MATK: variants seen among roughly 807,000 people sequenced by gnomAD.
MATK encodes megakaryocyte-associated tyrosine kinase, also known as megakaryocyte-associated tyrosine-protein kinase.
A neutral mutation model predicts 59.8 loss-of-function variants in MATK; 41 were observed. The ratio of observed to expected loss-of-function variants is 0.69; its 90% CI spans 0.53 to 0.89. MATK has a LOEUF of 0.89. Among genes scored for constraint, MATK ranks in the 40% least tolerant of loss-of-function variants. The probability of loss-of-function intolerance (pLI) is 0.00; values close to 1 mark genes in which losing one functional copy is unlikely to be tolerated. For synonymous variants in MATK, 308 were observed against 306.1 expected (o/e 1.01, Z -0.06); for missense variants, 593 against 719.6 (o/e 0.82, Z 2.01).
chr19:3,784,472 G>C, intron 3 of MATK, 21 bp from the exon 4 acceptor site: 3 of 1,542,932 alleles, frequency 1.9e-6, no homozygotes, highest in East Asian at 4.6e-5. Context: ...GGCCGGGAGA[G>C]GGGCAAAGGG....
intron 8 of MATK, 100 bp downstream of exon 8, chr19:3,781,507 A>T: frequency 8.2e-7 from 1 of 1,220,406 alleles, no homozygotes; most frequent in Non-Finnish European, 1.2e-6. Context: ...CACAACTAGT[A>T]GGTGGTTAAG....
chr19:3,790,308 C>T (rs1002237439), upstream of MATK, among the ~76,000 whole-genome samples: 1 of 152,166 alleles, frequency 6.6e-6, no homozygotes. Flanking sequence ...TCCTGAACTC[C>T]CCACCCTCCA....
At chr19:3,786,507 C>T, upstream of MATK, 3 of 630,984 alleles carry the variant, frequency 4.8e-6, no homozygotes, top group Non-Finnish European at 5.9e-6. The surrounding 1 kb of genome is among the most constrained non-coding windows in gnomAD (Gnocchi z 4.1). Context: ...CTGGCCCTGA[C>T]CTGGCCCTGT....
chr19:3,791,192 T>A (rs2037537882), upstream of MATK, among the ~76,000 whole-genome samples: 1 of 152,082 alleles, frequency 6.6e-6, no homozygotes, highest in Non-Finnish European at 1.5e-5. Flanking sequence ...CTGAGTCAAA[T>A]TAGATTCCCT....
intron 1 of MATK, among the ~76,000 whole-genome samples, chr19:3,798,807 C>T (rs150279709): frequency 0.013 from 1,997 of 150,092 alleles, 42 homozygotes; most frequent in African/African-American, 0.046. Context: ...CCACCGTGCC[C>T]GGCCTGTTTT....
intron 8 of MATK, among the ~76,000 whole-genome samples, chr19:3,780,593 A>ATTT (rs753906037): frequency 8.2e-6 from 1 of 122,248 alleles, no homozygotes; most frequent in Non-Finnish European, 1.7e-5. Flanking sequence ...CGCCCGGCTA[A>ATTT]TTTTTTTTTT....
Position 3,781,468 on chromosome 19 carries a change from G to A in MATK, c.742+139C>T. 7.0e-6 allele frequency: 6 copies of A among 858,980 alleles called. No homozygotes were observed. In the South Asian group the frequency reaches 8.9e-5, roughly 13 times the overall value. 53.2% of individuals were successfully genotyped at this position (858,980 alleles called of 1,614,324 possible). A position where few individuals can be genotyped will look rare whatever the true frequency, so the allele number is the denominator to read the frequency against. On this transcript the variant is annotated intron_variant, in intron 8 of 13. Transcript: ENST00000310132. ...CCCCTGTTCCAGAGGGGGAAACTGAGGCTCAGAGGATTTGCACGTCTTCAG... is the reference window on the plus strand; with the variant it reads ...CCCCTGTTCCAGAGGGGGAAACTGAAGCTCAGAGGATTTGCACGTCTTCAG...
chr19:3,785,232 G>A lies in MATK; in HGVS notation c.-97C>T, dbSNP rs576202140. 16 of 1,587,790 alleles carry A rather than the reference G, an allele frequency of 1.0e-5. No homozygotes were observed. The African/African-American group carries it at 1.2e-4, about 12-fold the overall frequency. The stretch of plus-strand genomic sequence containing the variant: ...TGGCCTGCCACAGGCCAGTCGGCTG[G>A]CACAGGAGGTAGGGAGCTGGGTGCC... On this transcript the variant is annotated 5_prime_UTR_variant, in exon 2 of 14. Coordinates refer to ENST00000310132, the MANE Select transcript of MATK (RefSeq NM_139355.3).
At chr19:3,778,674 C>G in intron 12 of MATK, 79 bp from the exon 13 acceptor site, 1 of 1,451,300 alleles carries the variant, frequency 6.9e-7, no homozygotes, top group Non-Finnish European at 9.4e-7. Context: ...GGAAGCCCTC[C>G]TGGGTTGACC....
Position 3,778,405 on chromosome 19 carries a change from C to G in MATK, c.1302G>C (p.Ser434=). 1 of 1,612,992 alleles carries G rather than the reference C, an allele frequency of 6.2e-7. No individual in the cohort carries two copies. Among genetic ancestry groups the G allele is most frequent in the Non-Finnish European group, 8.5e-7 (1 of 1,179,858 alleles). The change falls in exon 14 of 14, where the codon TCG becomes TCC. Residue 434 remains serine, a synonymous_variant. Coordinates refer to ENST00000310132, the MANE Select transcript of MATK (RefSeq NM_139355.3). ...TGCGGTACCCCTTCTCCACGGCCTC[C>G]GACACCTCTTTCAGTGACTGCGGAC... ...PYPKMSLKEV[S]EAVEKGYRME...
At chr19:3,801,223 G>A (rs1337275160) in intron 1 of MATK, among the ~76,000 whole-genome samples, 3 of 152,188 alleles carry the variant, frequency 2.0e-5, no homozygotes, top group African/African-American at 7.2e-5. Context: ...CCAGGAAAGC[G>A]GGTCTTAATC....
At chr19:3,786,599 C>CG (rs1258268742), upstream of MATK, among the ~76,000 whole-genome samples, 2 of 145,792 alleles carry the variant, frequency 1.4e-5, no homozygotes, top group Non-Finnish European at 3.0e-5. This position sits in a 1 kb window ranked among gnomAD's most constrained non-coding sequence, Gnocchi z 4.1. Flanking sequence ...CGGCGGGGAC[C>CG]GGGGGTGAGG....
intron 1 of MATK, chr19:3,793,413 C>G (rs2037561883): frequency 1.3e-5 from 2 of 152,076 alleles, no homozygotes; most frequent in South Asian, 4.2e-4. Flanking sequence ...TAAAAAAATA[C>G]AAAAATTAGG....
chr19:3,789,255 G>T (rs758647376), upstream of MATK: 2 of 772,576 alleles, frequency 2.6e-6, no homozygotes, highest in East Asian at 2.4e-5. Flanking sequence ...AAACCCAGCC[G>T]CCTAATTTGA....
upstream of MATK, among the ~76,000 whole-genome samples, chr19:3,787,028 A>C (rs2037493926): frequency 1.3e-5 from 2 of 151,578 alleles, no homozygotes; most frequent in South Asian, 2.1e-4. Context: ...GTTTGATCTC[A>C]CTTGGTCTTG....
intron 8 of MATK, 130 bp downstream of exon 8, chr19:3,781,477 G>A: frequency 1.1e-6 from 1 of 933,050 alleles, no homozygotes; most frequent in Non-Finnish European, 1.7e-6. Flanking sequence ...AGGCTCAGAG[G>A]ATTTGCACGT....
intron 7 of MATK, chr19:3,782,858 T>G: frequency 8.3e-6 from 4 of 483,638 alleles, no homozygotes; most frequent in Non-Finnish European, 7.4e-6. Flanking sequence ...TGCTGGAGGA[T>G]GGGGTGGGTG....
chr19:3,779,841 A>G (rs776842479), intron 8 of MATK, 44 bp from the exon 9 acceptor site: 4 of 1,153,836 alleles, frequency 3.5e-6, no homozygotes, highest in East Asian at 2.3e-5. Flanking sequence ...AGGACCCCCA[A>G]CAAACAGGGA....
upstream of MATK, among the ~76,000 whole-genome samples, chr19:3,790,141 C>T (rs898009328): frequency 6.6e-6 from 1 of 152,182 alleles, no homozygotes; most frequent in Non-Finnish European, 1.5e-5. Flanking sequence ...ACCTCCTGAC[C>T]AAGAATTAGC....
Sources: allele counts gnomAD v4.1 joint callset (sites outside exome capture counted in the v4.1 genomes callset), GRCh38; gene constraint gnomAD v4.1.1; non-coding constraint Gnocchi (gnomAD v3.1); transcripts MANE v1.5; gene names NCBI Gene and HGNC (gene_info 2026-07-23, HGNC 2026-07-21).